Variants in MYO9A observed in about 807,000 individuals in gnomAD.
MYO9A encodes the protein myosin IXA, also known as unconventional myosin-IXa.
A neutral mutation model predicts 293.3 loss-of-function variants in MYO9A; 103 were observed. That is an observed-to-expected ratio of 0.35 (90% CI 0.30 to 0.41). The LOEUF (loss-of-function observed/expected upper bound fraction) is 0.41, where lower values mean the gene tolerates loss of function less well. Among genes scored for constraint, MYO9A ranks in the 10% least tolerant of loss-of-function variants. MYO9A has a pLI of 1.00. For synonymous variants in MYO9A, 1,001 were observed against 1,035.7 expected, an observed-to-expected ratio of 0.97 and a Z score of 0.64; for missense variants, 2,685 against 3,033.0, an observed-to-expected ratio of 0.89 and a Z score of 2.69.
intron 5 of MYO9A, among the ~76,000 whole-genome samples, chr15:72,020,304 T>C (rs921764128): frequency 2.0e-5 from 3 of 152,184 alleles, no homozygotes; most frequent in African/African-American, 7.2e-5. Context: ...ATAAAATTAG[T>C]AAAGTCAATG....
At chr15:72,002,769 G>A (rs2076905004) in intron 8 of MYO9A, among the ~76,000 whole-genome samples, 1 of 152,246 alleles carries the variant, frequency 6.6e-6, no homozygotes, top group Non-Finnish European at 1.5e-5. Context: ...TGGAGACAGG[G>A]TACAAGGGTA....
intron 1 of MYO9A, among the ~76,000 whole-genome samples, chr15:72,103,453 C>A (rs1567044546): frequency 6.9e-6 from 1 of 145,916 alleles, no homozygotes; most frequent in African/African-American, 2.6e-5. Context: ...GAAGCAGCAG[C>A]AGAAGAAGAA....
At chr15:71,910,246 T>C (rs1018813359) in intron 19 of MYO9A, among the ~76,000 whole-genome samples, 3 of 149,048 alleles carry the variant, frequency 2.0e-5, no homozygotes, top group Non-Finnish European at 4.5e-5. Flanking sequence ...TCACTGTACA[T>C]AAGCTATGTA....
chr15:71,965,286 G>T (rs551599411), intron 13 of MYO9A, among the ~76,000 whole-genome samples: 1 of 151,800 alleles, frequency 6.6e-6, no homozygotes, highest in South Asian at 2.1e-4. Context: ...TGTGTTGCTT[G>T]TTCTGTTAGT....
Position 71,859,814 on chromosome 15 carries a change from A to T in MYO9A, c.6092-18T>A, listed in dbSNP as rs2056037933. Reference sequence around the variant, plus strand: ...CTTGCATACTGAAAAATAGGTGAGGAATGCAACATTTTTAGAAGTCTGTAC... The same window carrying T: ...CTTGCATACTGAAAAATAGGTGAGGTATGCAACATTTTTAGAAGTCTGTAC... On this transcript the variant is annotated intron_variant, in intron 33 of 41. Coordinates refer to ENST00000356056, the MANE Select transcript of MYO9A (RefSeq NM_006901.4). The T allele has an allele frequency of 3.7e-6, 6 of 1,607,610 alleles. No individual in the cohort carries two copies. The highest frequency in any genetic ancestry group is 5.1e-6 in the Non-Finnish European group (6 of 1,174,778).
Position 71,982,792 on chromosome 15 carries a change from G to C in MYO9A, c.1723-4500C>G, listed in dbSNP as rs372457369. ...GATGGTAAATATATTTTTCTTTTTTGAGTTTTATTCATTATTGCTTTATAT... is the reference window on the plus strand; with the variant it reads ...GATGGTAAATATATTTTTCTTTTTTCAGTTTTATTCATTATTGCTTTATAT... On this transcript the variant is annotated intron_variant, in intron 11 of 41. Coordinates refer to ENST00000356056, the MANE Select transcript of MYO9A (RefSeq NM_006901.4). Among the ~76,000 whole-genome samples, 30 of 152,084 alleles carry C rather than the reference G, an allele frequency of 2.0e-4. No individual in the cohort carries two copies. In the East Asian group the frequency reaches 5.4e-3, roughly 27 times the overall value.
intron 39 of MYO9A, among the ~76,000 whole-genome samples, chr15:71,842,915 A>ATGTGTGTG (rs55982936): frequency 6.7e-6 from 1 of 148,910 alleles, no homozygotes; most frequent in Admixed American, 6.7e-5. Flanking sequence ...TTGTGTATGC[A>ATGTGTGTG]TGTGTGTGTG....
chr15:71,844,237 A>G lies in MYO9A; in HGVS notation c.6837+4608T>C, dbSNP rs527360840. On this transcript the variant is annotated intron_variant, in intron 39 of 41. Transcript: ENST00000356056. ...CCTTAGTATTCTCACCATATTTGGCACACAGTACTGTCTAATCCATCTCTC... is the reference window on the plus strand; with the variant it reads ...CCTTAGTATTCTCACCATATTTGGCGCACAGTACTGTCTAATCCATCTCTC... Among the ~76,000 whole-genome samples, 5 of 152,288 alleles carry G rather than the reference A, an allele frequency of 3.3e-5. No homozygotes were observed. The South Asian group carries it at 1.0e-3, about 32-fold the overall frequency.
At chr15:72,104,299 A>G (rs2080493231) in intron 1 of MYO9A, among the ~76,000 whole-genome samples, 1 of 152,188 alleles carries the variant, frequency 6.6e-6, no homozygotes. Context: ...TATATTTGGT[A>G]GGTTAGGTGT....
intron 14 of MYO9A, 24 bp from the exon 15 acceptor site, chr15:71,951,920 C>G: frequency 7.6e-7 from 1 of 1,308,350 alleles, no homozygotes; most frequent in Non-Finnish European, 1.0e-6. Flanking sequence ...AAAAAACAAA[C>G]AAAAAAAAAA....
At chr15:71,990,648 C>T (rs2929526) in intron 11 of MYO9A, among the ~76,000 whole-genome samples, 94,669 of 151,194 alleles carry the variant, frequency 0.63, 31,196 homozygotes, top group Middle Eastern at 0.74. Context: ...CCCAGCTACT[C>T]GGGGAGGCTG....
At chr15:72,077,752 A>AAAAATATATAT (rs2079412621) in intron 1 of MYO9A, among the ~76,000 whole-genome samples, 3 of 72,488 alleles carry the variant, frequency 4.1e-5, no homozygotes, top group African/African-American at 2.3e-4. Flanking sequence ...AAAAAAAAAA[A>AAAAATATATAT]ATATATATAT....
chr15:71,930,941 T>C (rs1177601971), intron 18 of MYO9A, among the ~76,000 whole-genome samples: 1 of 152,174 alleles, frequency 6.6e-6, no homozygotes, highest in Non-Finnish European at 1.5e-5. Flanking sequence ...TAAACTTTCA[T>C]TGCATGCATA....
At chr15:72,031,371 A>C (rs762465952) in intron 3 of MYO9A, among the ~76,000 whole-genome samples, 1 of 152,218 alleles carries the variant, frequency 6.6e-6, no homozygotes, top group Non-Finnish European at 1.5e-5. Flanking sequence ...CTGTAGTCCC[A>C]GCTACTCTAG....
At chr15:72,076,079 A>C (rs1366754271) in intron 1 of MYO9A, among the ~76,000 whole-genome samples, 5 of 151,974 alleles carry the variant, frequency 3.3e-5, no homozygotes, top group African/African-American at 1.2e-4. Flanking sequence ...TAAGGTGGGC[A>C]GATCACTTGA....
intron 2 of MYO9A, chr15:72,041,645 G>A (rs1405899699): frequency 1.6e-4 from 38 of 234,786 alleles, no homozygotes; most frequent in African/African-American, 2.3e-5. Context: ...AATCAATTTC[G>A]TACACCATGG....
At position 71,897,741 on chromosome 15, in the gene MYO9A, C is replaced by T. The variant is rs748635661; in HGVS notation, c.4762G>A (p.Asp1588Asn). Residue 1588 changes from aspartate to asparagine, a missense_variant, in exon 25 of 42, where the codon GAC becomes AAC. Physicochemically the swap from Asp to Asn is conservative, Grantham distance 23. Around this residue, in one of 10 missense-constraint regions of MYO9A, gnomAD observed 1,434 missense variants for 1,497.7 expected, o/e 0.96. Transcript: ENST00000356056. The stretch of plus-strand genomic sequence containing the variant: ...GGGGGTAAGTGAGCAGAGGAACTGT[C>T]TTTTTGGGCAAGAGCTGCATCTTTT... ...SLKDAALAQK[D>N]SSSAHLPPKD... is the part of the protein sequence containing the mutation. 6.2e-7 allele frequency: 1 copy of T among 1,614,052 alleles called. No individual in the cohort carries two copies. Among genetic ancestry groups the T allele is most frequent in the Non-Finnish European group, 8.5e-7 (1 of 1,180,006 alleles).
intron 5 of MYO9A, among the ~76,000 whole-genome samples, chr15:72,019,468 T>C (rs543328362): frequency 5.0e-4 from 76 of 152,294 alleles, no homozygotes; most frequent in African/African-American, 1.8e-3. Flanking sequence ...TATTACTTTA[T>C]AAAAAAGAAA....
intron 13 of MYO9A, among the ~76,000 whole-genome samples, chr15:71,963,604 C>T (rs894581443): frequency 3.3e-5 from 5 of 152,236 alleles, no homozygotes; most frequent in Middle Eastern, 3.4e-3. Flanking sequence ...ATACACGCCA[C>T]CACGCCTGGC....
Sources: gnomAD v4.1 joint callset for allele counts (sites outside exome capture counted in the v4.1 genomes callset) on GRCh38, gnomAD v4.1.1 for gene constraint, gnomAD v4.1.1 regional missense constraint, MANE v1.5 for transcripts, NCBI Gene and HGNC (gene_info 2026-07-23, HGNC 2026-07-21) for gene names.